Variants in ZBTB21 observed in about 807,000 individuals in gnomAD.
ZBTB21 encodes the protein zinc finger and BTB domain containing 21, also known as zinc finger and BTB domain-containing protein 21.
ZBTB21 carries 10 observed loss-of-function variants against 39.8 expected under a neutral mutation model. The observed-to-expected ratio is 0.25, with a 90% CI of 0.16 to 0.43. The LOEUF is 0.43. ZBTB21 is among the 20% of genes least tolerant of loss of function. The probability of loss-of-function intolerance (pLI) is 1.00; values close to 1 mark genes in which losing one functional copy is unlikely to be tolerated. For synonymous variants in ZBTB21, 551 were observed against 498.8 expected, an observed-to-expected ratio of 1.10 and a Z score of -1.40; for missense variants, 1,221 against 1,296.3, an observed-to-expected ratio of 0.94 and a Z score of 0.89.
At position 41,992,677 on chromosome 21, in the gene ZBTB21, G is replaced by T. The variant is rs1240737716; in HGVS notation, c.1419C>A (p.Asp473Glu). 1 of 1,613,910 alleles carries T rather than the reference G, an allele frequency of 6.2e-7. No individual in the cohort carries two copies. The highest frequency in any genetic ancestry group is 8.5e-7 in the Non-Finnish European group (1 of 1,179,988). ...CTGGGAGTCTGCTCATGTCTTTTTGGTCATCTTCTGTTTTCAGAGACAGGT... is the reference window on the plus strand; with the variant it reads ...CTGGGAGTCTGCTCATGTCTTTTTGTTCATCTTCTGTTTTCAGAGACAGGT... ...TRDLSLKTED[D>E]QKDMSRLPAK... Residue 473 changes from aspartate (D) to glutamate (E), a missense_variant, in exon 3 of 3, where the codon GAC becomes GAA. Around this residue, in one of 4 missense-constraint regions of ZBTB21, gnomAD observed 500 missense variants for 465.6 expected, o/e 1.07. Coordinates refer to ENST00000310826, the MANE Select transcript of ZBTB21 (RefSeq NM_001098402.2). The surrounding 1 kb of genome is among the most constrained non-coding windows in gnomAD (Gnocchi z 4.1).
intron 1 of ZBTB21, among the ~76,000 whole-genome samples, chr21:42,004,186 A>T (rs1601654770): frequency 6.6e-6 from 1 of 151,860 alleles, no homozygotes. Context: ...TTTTAGTAGA[A>T]ATGGGGTTTC....
At chr21:42,003,556 T>C (rs1335953345) in intron 1 of ZBTB21, among the ~76,000 whole-genome samples, 5 of 152,148 alleles carry the variant, frequency 3.3e-5, no homozygotes, top group Non-Finnish European at 7.3e-5. Context: ...CCTTTGACAA[T>C]TATAATACAA....
chr21:41,987,987 A>G lies in ZBTB21; in HGVS notation c.*2908T>C, dbSNP rs2065600272. The G allele has an allele frequency of 6.6e-6, 1 of 152,214 alleles. No individual in the cohort carries two copies. Among genetic ancestry groups the G allele is most frequent in the Non-Finnish European group, 1.5e-5 (1 of 68,036 alleles). 9.4% of individuals were successfully genotyped at this position (152,214 alleles called of 1,614,324 possible). The stretch of plus-strand genomic sequence containing the variant: ...ATAAACGTTCCATTCCAAACCAGAA[A>G]ACCAAGAACATCACACATCTCCCCA... On this transcript the variant is annotated 3_prime_UTR_variant, in exon 3 of 3. Coordinates refer to ENST00000310826, the MANE Select transcript of ZBTB21 (RefSeq NM_001098402.2).
intron 1 of ZBTB21, among the ~76,000 whole-genome samples, chr21:42,008,566 A>AAG (rs1420665974): frequency 1.4e-5 from 2 of 138,852 alleles, no homozygotes; most frequent in African/African-American, 5.0e-5. Context: ...AAAAAAAGAA[A>AAG]AAAAGAAAAG....
rs117353017 is a variant in ZBTB21 at position 41,988,190 on chromosome 21, C to T, written c.*2705G>A. On this transcript the variant is annotated 3_prime_UTR_variant, in exon 3 of 3. Coordinates refer to ENST00000310826, the MANE Select transcript of ZBTB21 (RefSeq NM_001098402.2). ...AGTGATAAAAACATGTTTTATGTTA[C>T]TCCTTCCTTCTCCCACATAAACGAT... 3.4e-5 allele frequency: 3 copies of T among 87,350 alleles called. No individual in the cohort carries two copies. The East Asian group carries it at 7.7e-4, about 22-fold the overall frequency. 5.4% of individuals were successfully genotyped at this position (87,350 alleles called of 1,614,324 possible).
Position 41,993,277 on chromosome 21 carries a change from C to A in ZBTB21, c.819G>T (p.Lys273Asn), listed in dbSNP as rs200936908. The change falls in exon 3 of 3, where the codon AAG becomes AAT. Residue 273 changes from lysine to asparagine, a missense_variant. Transcript: ENST00000310826. Reference protein sequence around the residue: ...PKGKALELALKRPRPPVLSVC... With the variant: ...PKGKALELALNRPRPPVLSVC... ...CAGACAAAACAGGTGGCCGTGGTCT[C>A]TTCAAAGCCAGCTCTAGAGCTTTTC... is the stretch of plus-strand genomic sequence containing the variant. 1.2e-6 allele frequency: 2 copies of A among 1,612,626 alleles called. No homozygotes were observed. The highest frequency in any genetic ancestry group is 2.7e-5 in the African/African-American group (2 of 75,066).
rs1325763816 is a variant in ZBTB21 at position 41,991,320 on chromosome 21, G to A, written c.2776C>T (p.Arg926Cys). ...ACAGAGCACAGAAGCTCCTGGTGAC[G>A]CTCCAGCTGCTTATGCACCGTGAAC... is the stretch of plus-strand genomic sequence containing the variant. ...KMFTVHKQLE[R>C]HQELLCSVKP... Residue 926 changes from arginine to cysteine, a missense_variant, in exon 3 of 3, where the codon CGT (arginine) becomes TGT (cysteine). Arg to Cys is a radical substitution (Grantham distance 180). Coordinates refer to ENST00000310826, the MANE Select transcript of ZBTB21 (RefSeq NM_001098402.2). This position sits in a 1 kb window ranked among gnomAD's most constrained non-coding sequence, Gnocchi z 4.9. The A allele has an allele frequency of 6.2e-7, 1 of 1,610,014 alleles. No homozygotes were observed. Among genetic ancestry groups the A allele is most frequent in the South Asian group, 1.1e-5 (1 of 90,396 alleles).
chr21:42,003,255 C>T (rs557110048), intron 1 of ZBTB21, among the ~76,000 whole-genome samples: 20 of 152,240 alleles, frequency 1.3e-4, no homozygotes, highest in Non-Finnish European at 2.8e-4. Context: ...TTCCTTCCTT[C>T]TCCACTTCCC....
intron 1 of ZBTB21, among the ~76,000 whole-genome samples, chr21:42,007,180 A>G (rs1383108910): frequency 6.6e-6 from 1 of 152,208 alleles, no homozygotes; most frequent in Non-Finnish European, 1.5e-5. Flanking sequence ...AATCTATTTA[A>G]TATCTTTTGG....
In ZBTB21 at chr21:41,993,319, A is replaced by G; in HGVS notation, c.777T>C (p.Ser259=). 6.2e-7 allele frequency: 1 copy of G among 1,613,436 alleles called. No homozygotes were observed. ...REAMDDKPGV[S]GQLPKGKALE... is the part of the protein sequence containing the mutation. The stretch of plus-strand genomic sequence containing the variant: ...GAGCTTTTCCTTTTGGAAGCTGACC[A>G]CTCACACCTGGTTTATCATCCATAG... The change falls in exon 3 of 3, where the codon AGT becomes AGC. Residue 259 remains serine, a synonymous_variant. Transcript: ENST00000310826.
At chr21:41,998,725 C>T (rs1027753525) in intron 2 of ZBTB21, among the ~76,000 whole-genome samples, 2 of 152,142 alleles carry the variant, frequency 1.3e-5, no homozygotes, top group East Asian at 3.9e-4. Context: ...AGGCTGTCAA[C>T]CTGGGAGTGG....
At chr21:42,006,251 C>CTAATTTCG (rs566253353) in intron 1 of ZBTB21, among the ~76,000 whole-genome samples, 154 of 152,062 alleles carry the variant, frequency 1.0e-3, no homozygotes, top group African/African-American at 3.5e-3. Context: ...CCTGTCTCTA[C>CTAATTTCG]TAAAAATACG....
intron 1 of ZBTB21, chr21:42,009,312 C>G (rs999399036): frequency 6.6e-6 from 1 of 152,192 alleles, no homozygotes; most frequent in Admixed American, 6.5e-5. Context: ...GTGCGAGCCC[C>G]CAGCGGTGTG....
Position 41,997,080 on chromosome 21 carries a change from G to C in ZBTB21, c.-13-2972C>G, listed in dbSNP as rs1035494769. On this transcript the variant is annotated intron_variant, in intron 2 of 2. Coordinates refer to ENST00000310826, the MANE Select transcript of ZBTB21 (RefSeq NM_001098402.2). The stretch of plus-strand genomic sequence containing the variant: ...GTGAAAATGGACTAATTACACCTGG[G>C]TAATTTTTTTTATTTTTTATTTTTA... 5.9e-5 allele frequency among the ~76,000 whole-genome samples: 9 copies of C among 152,176 alleles called. No individual in the cohort carries two copies. In the East Asian group the frequency reaches 1.5e-3, roughly 26 times the overall value.
intron 2 of ZBTB21, among the ~76,000 whole-genome samples, chr21:41,997,575 C>G (rs1358411648): frequency 8.5e-6 from 1 of 117,846 alleles, no homozygotes; most frequent in East Asian, 3.3e-4. Context: ...GACGTTGTCT[C>G]AAAAAAAAAA....
At chr21:41,994,132 C>T in intron 2 of ZBTB21, 24 bp from the exon 3 acceptor site, 1 of 1,533,134 alleles carries the variant, frequency 6.5e-7, no homozygotes, top group Non-Finnish European at 8.7e-7. Flanking sequence ...TGTAAAATTA[C>T]TACAGATATT....
chr21:41,992,756 G>T lies in ZBTB21; in HGVS notation c.1340C>A (p.Thr447Asn). The change falls in exon 3 of 3, where the codon ACT becomes AAT. Residue 447 changes from threonine to asparagine, a missense_variant. Transcript: ENST00000310826. The surrounding 1 kb of genome is among the most constrained non-coding windows in gnomAD (Gnocchi z 4.1). ...TGCTGTTGTTGCCGCATCTCCCACA[G>T]TGACGCGGATGATGTCCGAGGGGTC... ...LSDPSDIIRV[T>N]VGDAATTAAA... The T allele has an allele frequency of 3.7e-6, 6 of 1,614,160 alleles. No homozygotes were observed. The highest frequency in any genetic ancestry group is 5.1e-6 in the Non-Finnish European group (6 of 1,180,036).
chr21:42,005,496 T>G (rs901672399), intron 1 of ZBTB21, among the ~76,000 whole-genome samples: 1 of 152,188 alleles, frequency 6.6e-6, no homozygotes, highest in African/African-American at 2.4e-5. Flanking sequence ...CCTGGCCCAG[T>G]TTTTTAGCTT....
At chr21:42,009,998 G>A (rs1027856372) in intron 1 of ZBTB21, among the ~76,000 whole-genome samples, 7 of 152,276 alleles carry the variant, frequency 4.6e-5, no homozygotes, top group South Asian at 2.1e-4. Context: ...GCGAGGGCGA[G>A]GCCAAGTGCT....
Sources: allele counts gnomAD v4.1 joint callset (sites outside exome capture counted in the v4.1 genomes callset), GRCh38; gene constraint gnomAD v4.1.1; regional missense constraint gnomAD v4.1.1; non-coding constraint Gnocchi (gnomAD v3.1); transcripts MANE v1.5; gene names NCBI Gene and HGNC (gene_info 2026-07-23, HGNC 2026-07-21).